Variants in YPEL2 observed in about 807,000 individuals in gnomAD.
YPEL2 encodes the protein protein yippee-like 2.
A neutral mutation model predicts 19.1 loss-of-function variants in YPEL2; 2 were observed. That is an observed-to-expected ratio of 0.10 (90% confidence interval 0.04 to 0.33). The LOEUF (loss-of-function observed/expected upper bound fraction) is 0.33, where lower values mean the gene tolerates loss of function less well. Among genes scored for constraint, YPEL2 ranks in the 10% least tolerant of loss-of-function variants. The pLI is 1.00. For missense variants in YPEL2, 66 were observed against 140.7 expected (o/e 0.47, Z 2.68); for synonymous variants, 52 against 50.0 (o/e 1.04, Z -0.17).
intron 2 of YPEL2, among the ~76,000 whole-genome samples, chr17:59,371,550 G>T (rs1481218247): frequency 3.9e-5 from 6 of 152,196 alleles, no homozygotes; most frequent in Non-Finnish European, 5.9e-5. Context: ...CCTGAGCCAG[G>T]CTCTGTCTCT....
intron 1 of YPEL2, among the ~76,000 whole-genome samples, chr17:59,346,597 T>C (rs144534471): frequency 8.3e-4 from 127 of 152,230 alleles, no homozygotes; most frequent in Middle Eastern, 6.8e-3. Flanking sequence ...GAGCAGCCAA[T>C]GGGAAGCAGA....
At chr17:59,373,496 C>T (rs2047906475) in intron 2 of YPEL2, among the ~76,000 whole-genome samples, 1 of 152,124 alleles carries the variant, frequency 6.6e-6, no homozygotes, top group Non-Finnish European at 1.5e-5. Flanking sequence ...TTTATTGCCG[C>T]GATTTATACT....
At chr17:59,357,336 T>C (rs960489724) in intron 2 of YPEL2, among the ~76,000 whole-genome samples, 1 of 152,114 alleles carries the variant, frequency 6.6e-6, no homozygotes, top group Non-Finnish European at 1.5e-5. Context: ...GAAGGGGTAA[T>C]AGAAAGCCAA....
At chr17:59,378,334 C>G (rs1196674047) in intron 2 of YPEL2, among the ~76,000 whole-genome samples, 1 of 138,264 alleles carries the variant, frequency 7.2e-6, no homozygotes, top group Non-Finnish European at 1.5e-5. Context: ...GGCTTAAGTC[C>G]CAGAGTCTCC....
chr17:59,337,831 C>T (rs986657826), intron 1 of YPEL2, among the ~76,000 whole-genome samples: 1 of 152,184 alleles, frequency 6.6e-6, no homozygotes, highest in African/African-American at 2.4e-5. Context: ...ACAAAAAGGA[C>T]TTGCTTTAAG....
At chr17:59,380,786 T>C (rs1296888748) in intron 2 of YPEL2, among the ~76,000 whole-genome samples, 3 of 152,232 alleles carry the variant, frequency 2.0e-5, no homozygotes, top group African/African-American at 7.2e-5. Flanking sequence ...GGGAAGCAAG[T>C]GCCAGGTGCT....
chr17:59,374,887 A>G lies in YPEL2; in HGVS notation c.118-13440A>G, dbSNP rs145723137. Reference sequence around the variant, plus strand: ...ATCCAACTACATAATTCTTCATTCTACCAAGCTACTAAACTGGGAGAAGTT... The same window carrying G: ...ATCCAACTACATAATTCTTCATTCTGCCAAGCTACTAAACTGGGAGAAGTT... On this transcript the variant is annotated intron_variant, in intron 2 of 4. Transcript: ENST00000312655. Among the ~76,000 whole-genome samples, 14 of 152,320 alleles carry G rather than the reference A, an allele frequency of 9.2e-5. 1 individual carries two copies. The East Asian group carries it at 2.7e-3, about 29-fold the overall frequency.
chr17:59,357,991 T>C (rs779772526), intron 2 of YPEL2, among the ~76,000 whole-genome samples: 3 of 152,188 alleles, frequency 2.0e-5, no homozygotes, highest in South Asian at 2.1e-4. Flanking sequence ...GCTATTGTTA[T>C]GTCAGATCTA....
intron 4 of YPEL2, among the ~76,000 whole-genome samples, chr17:59,394,428 A>G (rs2048027244): frequency 6.7e-6 from 1 of 148,810 alleles, no homozygotes; most frequent in South Asian, 2.1e-4. Context: ...GGCCGGGCAG[A>G]GACGCTCCTC....
rs2147940380 is a variant in YPEL2, at chr17:59,353,681, C to CTCTTTTTTT, written c.117+158_117+159insTTTTTTTCT. 1 of 705,180 alleles carries CTCTTTTTTT rather than the reference C, an allele frequency of 1.4e-6. No homozygotes were observed. Among genetic ancestry groups the CTCTTTTTTT allele is most frequent in the East Asian group, 2.7e-5 (1 of 36,654 alleles). 43.7% of individuals were successfully genotyped at this position (705,180 alleles called of 1,614,324 possible). On this transcript the variant is annotated intron_variant, in intron 2 of 4. Transcript: ENST00000312655. This position sits in a 1 kb window ranked among gnomAD's most constrained non-coding sequence, Gnocchi z 4.8. ...GACCGTCTCACTCAACTGAGAAAAA[C>CTCTTTTTTT]TCTGAGTTGGAGGGACAGAGTAGTC...
At chr17:59,341,872 C>G (rs187975433) in intron 1 of YPEL2, among the ~76,000 whole-genome samples, 1 of 152,146 alleles carries the variant, frequency 6.6e-6, no homozygotes, top group African/African-American at 2.4e-5. Flanking sequence ...CCCACCCCAC[C>G]GCCTTTCCTC....
chr17:59,397,163 C>T lies in YPEL2; in HGVS notation c.333C>T (p.His111=). ...KEGKYIIELA[H]MIKDNGWD ...GCAAATACATCATTGAACTAGCACACATGATCAAGGACAATGGCTGGGACT... is the reference window on the plus strand; with the variant it reads ...GCAAATACATCATTGAACTAGCACATATGATCAAGGACAATGGCTGGGACT... Residue 111 remains histidine (H), a synonymous_variant, in exon 5 of 5, where the codon CAC becomes CAT. Transcript: ENST00000312655. The T allele has an allele frequency of 6.2e-7, 1 of 1,612,346 alleles. No individual in the cohort carries two copies. The highest frequency in any genetic ancestry group is 1.3e-5 in the African/African-American group (1 of 74,906).
At chr17:59,350,552 A>G (rs1022512891) in intron 1 of YPEL2, among the ~76,000 whole-genome samples, 2 of 152,090 alleles carry the variant, frequency 1.3e-5, no homozygotes, top group African/African-American at 4.8e-5. Context: ...TTGTCTTTTT[A>G]GGTTCAGAGC....
chr17:59,398,858 A>G lies in YPEL2; in HGVS notation c.*1668A>G, dbSNP rs2048054983. ...GTGATGAACTGAGATGAAAGCAGCC[A>G]ACAGCCCAGGAGCTTTTCAGAATAG... On this transcript the variant is annotated 3_prime_UTR_variant, in exon 5 of 5. Coordinates refer to ENST00000312655, the MANE Select transcript of YPEL2 (RefSeq NM_001005404.4). 1 of 152,232 alleles carries G rather than the reference A, an allele frequency of 6.6e-6. No individual in the cohort carries two copies. Among genetic ancestry groups the G allele is most frequent in the African/African-American group, 2.4e-5 (1 of 41,450 alleles). 9.4% of individuals were successfully genotyped at this position (152,232 alleles called of 1,614,324 possible).
chr17:59,349,809 C>T (rs59307876), intron 1 of YPEL2, among the ~76,000 whole-genome samples: 2,485 of 152,204 alleles, frequency 0.016, 64 homozygotes, highest in East Asian at 0.11. Context: ...TACAGGCACA[C>T]GCCACCATGC....
chr17:59,364,192 C>G (rs60577649), intron 2 of YPEL2, among the ~76,000 whole-genome samples: 3,269 of 152,244 alleles, frequency 0.021, 104 homozygotes, highest in East Asian at 0.12. Flanking sequence ...TACCTTTGAA[C>G]CTGGAGTTTC....
In YPEL2 at chr17:59,347,821, AGGCAT is replaced by A. The variant is rs545543240; in HGVS notation, c.-195-5393_-195-5389del. On this transcript the variant is annotated intron_variant, in intron 1 of 4. Transcript: ENST00000312655. ...GGCAGGCTGGAATTTGGCTACACAC[AGGCAT>A]CAGGTTCAACATAAATAGGAAAGAG... Among the ~76,000 whole-genome samples the A allele has an allele frequency of 3.5e-4, 54 of 152,346 alleles. No individual in the cohort carries two copies. The South Asian group carries it at 8.7e-3, about 25-fold the overall frequency.
intron 1 of YPEL2, among the ~76,000 whole-genome samples, chr17:59,336,946 T>A (rs948597058): frequency 1.3e-5 from 2 of 152,228 alleles, no homozygotes; most frequent in Non-Finnish European, 2.9e-5. Context: ...TATCTGCTCC[T>A]GTGGCGATTC....
At chr17:59,390,886 T>C (rs759254242) in intron 4 of YPEL2, among the ~76,000 whole-genome samples, 1 of 152,254 alleles carries the variant, frequency 6.6e-6, no homozygotes, top group Non-Finnish European at 1.5e-5. Context: ...GCTACTTAGC[T>C]TCTATGCTAA....
Sources: gnomAD v4.1 joint callset for allele counts (sites outside exome capture counted in the v4.1 genomes callset) on GRCh38, gnomAD v4.1.1 for gene constraint, Gnocchi (gnomAD v3.1) non-coding constraint, MANE v1.5 for transcripts, NCBI Gene and HGNC (gene_info 2026-07-23, HGNC 2026-07-21) for gene names.